The following TYW1B variants were observed in gnomAD, a reference collection of about 807,000 sequenced individuals.
The protein encoded by TYW1B is S-adenosyl-L-methionine-dependent tRNA 4-demethylwyosine synthase TYW1B.
A neutral mutation model predicts 86.9 loss-of-function variants in TYW1B; 73 were observed. The observed-to-expected ratio is 0.84, with a 90% CI of 0.70 to 1.02. TYW1B has a LOEUF of 1.02. Among genes scored for constraint, TYW1B ranks in the 50% least tolerant of loss-of-function variants. TYW1B has a pLI of 0.00. For missense variants in TYW1B, 637 were observed against 827.4 expected (o/e 0.77, Z 2.82); for synonymous variants, 248 against 292.8 (o/e 0.85, Z 1.56).
chr7:72,728,162 TA>T (rs879954985), intron 9 of TYW1B, among the ~76,000 whole-genome samples: 1 of 152,168 alleles, frequency 6.6e-6, no homozygotes, highest in Non-Finnish European at 1.5e-5. Context: ...GACTTTCCAC[TA>T]ACCTAAAATT....
chr7:72,814,377 G>A (rs1192976766), intron 3 of TYW1B, among the ~76,000 whole-genome samples: 1 of 152,002 alleles, frequency 6.6e-6, no homozygotes, highest in Admixed American at 6.6e-5. Context: ...GAGGTCAGGA[G>A]ATCGAGACCA....
rs199848825 is a variant in TYW1B at position 72,713,792 on chromosome 7, G to C, written c.1199C>G (p.Pro400Arg). The C allele has an allele frequency of 6.3e-7, 1 of 1,582,520 alleles. No homozygotes were observed. The highest frequency in any genetic ancestry group is 8.6e-7 in the Non-Finnish European group (1 of 1,161,212). Residue 400 changes from proline (P) to arginine (R), a missense_variant, in exon 10 of 14, where the codon CCG (proline) becomes CGG (arginine). By Grantham distance (103) the Pro-to-Arg change is moderately radical. Transcript: ENST00000620995. ...TTCAAAGCGTTCTGCTTTGACGCCC[G>C]GTACTCCTGGAGAATACAGTGAGAA... ...QNMIKQFKGV[P>R]GVKAERFEEG...
rs1554428291 is a variant in TYW1B at position 72,575,552 on chromosome 7, G to A, written c.1953C>T (p.Pro651=). 1.9e-6 allele frequency: 3 copies of A among 1,613,682 alleles called. No homozygotes were observed. The Admixed American group carries it at 5.0e-5, about 27-fold the overall frequency. The change falls in exon 14 of 14, where the codon CCC becomes CCT. Residue 651 remains proline (P), a synonymous_variant. Transcript: ENST00000620995. ...TCTTTCTCTGATGTCTTGTGTCCTTGGGATCAAAGCTTCTTTCATTGGCAC... is the reference window on the plus strand; with the variant it reads ...TCTTTCTCTGATGTCTTGTGTCCTTAGGATCAAAGCTTCTTTCATTGGCAC... The part of the protein sequence containing the change: ...LFGANERSFD[P]KDTRHQRKNK...
intron 13 of TYW1B, among the ~76,000 whole-genome samples, chr7:72,606,767 G>T (rs1170045848): frequency 6.6e-6 from 1 of 151,754 alleles, no homozygotes; most frequent in African/African-American, 2.4e-5. Flanking sequence ...CCTACAGTAG[G>T]TCAATAGAAG....
chr7:72,681,719 C>G (rs1341857641), intron 11 of TYW1B, among the ~76,000 whole-genome samples: 1 of 151,442 alleles, frequency 6.6e-6, no homozygotes, highest in South Asian at 2.1e-4. Flanking sequence ...CTCAGCCTCC[C>G]GAGTAGCTGG....
At chr7:72,778,468 G>C (rs1787995205) in intron 6 of TYW1B, among the ~76,000 whole-genome samples, 1 of 152,094 alleles carries the variant, frequency 6.6e-6, no homozygotes, top group Admixed American at 6.6e-5. Context: ...TTTATTTTTT[G>C]AAACAGAGTC....
At position 72,694,819 on chromosome 7, in the gene TYW1B, G is replaced by C. The variant is rs782337617; in HGVS notation, c.1374C>G (p.Asn458Lys). Residue 458 changes from asparagine to lysine, a missense_variant, in exon 11 of 14, where the codon AAC (asparagine) becomes AAG (lysine). Coordinates refer to ENST00000620995, the MANE Select transcript of TYW1B (RefSeq NM_001145440.3). ...CATACAGCTGAGTAACTGGCTCGAG[G>C]TTCCTTAGTAATTTTTTTTTTTAAA... ...TNAQFPAEIRNLEPVTQLYVS... is the reference protein window; with the variant it reads ...TNAQFPAEIRKLEPVTQLYVS... 1 of 1,581,914 alleles carries C rather than the reference G, an allele frequency of 6.3e-7. No homozygotes were observed. The highest frequency in any genetic ancestry group is 8.5e-7 in the Non-Finnish European group (1 of 1,171,704).
At chr7:72,621,913 G>A (rs540914761) in intron 12 of TYW1B, among the ~76,000 whole-genome samples, 1 of 152,372 alleles carries the variant, frequency 6.6e-6, no homozygotes, top group South Asian at 2.1e-4. Flanking sequence ...TTGTGGGAGA[G>A]AGTGAGGCTA....
chr7:72,588,316 C>T (rs181176547), intron 13 of TYW1B, among the ~76,000 whole-genome samples: 17,735 of 119,480 alleles, frequency 0.15, no homozygotes, highest in African/African-American at 0.21. Flanking sequence ...CTCTGATCAG[C>T]GTTACCAAAA....
chr7:72,656,121 C>T (rs1281255492), intron 11 of TYW1B, among the ~76,000 whole-genome samples: 1 of 152,148 alleles, frequency 6.6e-6, no homozygotes, highest in Non-Finnish European at 1.5e-5. Flanking sequence ...AATGATTGGG[C>T]TGATATCCCC....
At chr7:72,720,987 G>A (rs1339592186) in intron 9 of TYW1B, among the ~76,000 whole-genome samples, 26 of 146,928 alleles carry the variant, frequency 1.8e-4, no homozygotes, top group African/African-American at 6.3e-4. Flanking sequence ...CTATGAGTGA[G>A]AACATGCGGT....
At chr7:72,641,384 G>A (rs1812796154) in intron 11 of TYW1B, among the ~76,000 whole-genome samples, 1 of 152,076 alleles carries the variant, frequency 6.6e-6, no homozygotes, top group African/African-American at 2.4e-5. Flanking sequence ...CCTTCTCCGA[G>A]GCCAGCATTA....
chr7:72,655,470 C>G (rs1266682401), intron 11 of TYW1B, among the ~76,000 whole-genome samples: 1 of 152,176 alleles, frequency 6.6e-6, no homozygotes, highest in East Asian at 1.9e-4. Context: ...CCAATAGCCC[C>G]TGCATCTCCA....
intron 11 of TYW1B, among the ~76,000 whole-genome samples, chr7:72,657,788 A>G (rs1462972846): frequency 6.6e-6 from 1 of 152,216 alleles, no homozygotes; most frequent in Non-Finnish European, 1.5e-5. Context: ...ACTAGTAAAA[A>G]CAGATAATTC....
At chr7:72,703,013 TA>T (rs1554452891) in intron 10 of TYW1B, among the ~76,000 whole-genome samples, 1,155 of 39,430 alleles carry the variant, frequency 0.029, 50 homozygotes, top group African/African-American at 0.035. Flanking sequence ...TATATATATA[TA>T]TATATATATA....
At chr7:72,762,368 C>T (rs1469331388) in intron 7 of TYW1B, among the ~76,000 whole-genome samples, 3 of 152,146 alleles carry the variant, frequency 2.0e-5, no homozygotes, top group Non-Finnish European at 4.4e-5. Context: ...TCTGTTCTTT[C>T]TCCTCTTAAA....
chr7:72,741,437 A>C (rs1427818264), intron 8 of TYW1B, among the ~76,000 whole-genome samples: 18 of 152,210 alleles, frequency 1.2e-4, no homozygotes, highest in Admixed American at 7.2e-4. Flanking sequence ...AGTAGAAAAA[A>C]AAAGTGTGAA....
At chr7:72,796,932 T>C (rs1788315429) in intron 6 of TYW1B, among the ~76,000 whole-genome samples, 1 of 147,494 alleles carries the variant, frequency 6.8e-6, no homozygotes, top group Non-Finnish European at 1.5e-5. Context: ...GCCTCCTGAG[T>C]AGCTGGGATT....
chr7:72,634,424 A>G (rs1193508585), intron 11 of TYW1B, among the ~76,000 whole-genome samples: 1 of 148,432 alleles, frequency 6.7e-6, no homozygotes, highest in Non-Finnish European at 1.5e-5. Context: ...CTTGGGCTCA[A>G]GCAATCCTCT....
Sources: gnomAD v4.1 joint callset for allele counts (sites outside exome capture counted in the v4.1 genomes callset) on GRCh38, gnomAD v4.1.1 for gene constraint, MANE v1.5 for transcripts, NCBI Gene and HGNC (gene_info 2026-07-23, HGNC 2026-07-21) for gene names.